The following MGAM variants were observed in gnomAD, a reference collection of about 807,000 sequenced individuals.
The protein encoded by MGAM is maltase-glucoamylase.
In MGAM, 253 loss-of-function variants were observed where a neutral mutation model predicts 358.8. The ratio of observed to expected loss-of-function variants is 0.71; its 90% CI spans 0.64 to 0.78. The LOEUF (loss-of-function observed/expected upper bound fraction) is 0.78. Ranked by LOEUF, MGAM falls within the 30% of genes least tolerant of loss-of-function variation. MGAM has a pLI of 0.00. For synonymous variants in MGAM, 1,105 were observed against 1,227.1 expected, an observed-to-expected ratio of 0.90 and a Z score of 2.08; for missense variants, 3,080 against 3,432.6, an observed-to-expected ratio of 0.90 and a Z score of 2.57.
In MGAM at chr7:142,086,676, G is replaced by A. The variant is rs747848587; in HGVS notation, c.6769G>A (p.Val2257Ile). 20 of 1,118,458 alleles carry A rather than the reference G, an allele frequency of 1.8e-5. 6 individuals are homozygous for A. The South Asian group carries it at 3.0e-4, about 17-fold the overall frequency. The allele number at this position is 1,118,458 out of a possible 1,614,324, so 69.3% of individuals were successfully genotyped here. A position where few individuals can be genotyped will look rare whatever the true frequency, so the allele number is the denominator to read the frequency against. Reference protein sequence around the residue: ...WGKVWPDFPDVVVNGSLDWDS... With the variant: ...WGKVWPDFPDIVVNGSLDWDS... ...ATAGGTCTGGCCTGATTTTCCTGATGTTGTTGTGAATGGGTCTCTAGACTG... is the reference window on the plus strand; with the variant it reads ...ATAGGTCTGGCCTGATTTTCCTGATATTGTTGTGAATGGGTCTCTAGACTG... The change falls in exon 57 of 71, where the codon GTT (valine) becomes ATT (isoleucine). Residue 2257 changes from valine to isoleucine, a missense_variant. Val to Ile is a conservative substitution (Grantham distance 29). This residue lies in a region of MGAM where 932 missense variants were observed against 1,198.2 expected (regional missense o/e 0.78). Coordinates refer to ENST00000475668, the MANE Select transcript of MGAM (RefSeq NM_001365693.1).
chr7:142,074,167 A>G lies in MGAM; in HGVS notation c.5269A>G (p.Thr1757Ala). The stretch of plus-strand genomic sequence containing the variant: ...AGAACTTTTCTGGGATGATGGGCAA[A>G]CAAAGGGTGAGCGCTGTTACAATAA... ...KGELFWDDGQTKDTVAKKVYL... is the reference protein window; with the variant it reads ...KGELFWDDGQAKDTVAKKVYL... The change falls in exon 45 of 71, where the codon ACA (threonine) becomes GCA (alanine). Residue 1757 changes from threonine (T) to alanine (A), a missense_variant. By Grantham distance (58) the Thr-to-Ala change is moderately conservative. Transcript: ENST00000475668. 1 of 1,529,570 alleles carries G rather than the reference A, an allele frequency of 6.5e-7. No individual in the cohort carries two copies. The highest frequency in any genetic ancestry group is 9.0e-7 in the Non-Finnish European group (1 of 1,115,612). 94.7% of individuals were successfully genotyped at this position (1,529,570 alleles called of 1,614,324 possible).
In MGAM at chr7:142,071,113, C is replaced by T. The variant is rs1470098697; in HGVS notation, c.5181C>T (p.His1727=). 1.7e-5 allele frequency: 27 copies of T among 1,553,212 alleles called. 4 individuals are homozygous for T. The highest frequency in any genetic ancestry group is 2.3e-5 in the Non-Finnish European group (26 of 1,130,882). ...GGCAAGAGCCTGCACTGAACACCCA[C>T]TTAAGGTGAATGACAGGACTCAGGT... is the stretch of plus-strand genomic sequence containing the variant. ...LPWQEPALNT[H]LSRKNPLGLI... The change falls in exon 44 of 71, where the codon CAC becomes CAT. Residue 1727 remains histidine (H), a synonymous_variant. Coordinates refer to ENST00000475668, the MANE Select transcript of MGAM (RefSeq NM_001365693.1).
At chr7:142,079,419 A>G (rs1419235992) in intron 49 of MGAM, among the ~76,000 whole-genome samples, 2 of 145,658 alleles carry the variant, frequency 1.4e-5, no homozygotes, top group African/African-American at 4.9e-5. Context: ...ATCAAGAATG[A>G]TGACCGCGTT....
At chr7:142,020,601 A>ATTT (rs199598156) in intron 4 of MGAM, among the ~76,000 whole-genome samples, 7 of 134,324 alleles carry the variant, frequency 5.2e-5, no homozygotes, top group African/African-American at 2.1e-4. Flanking sequence ...ATATATATAT[A>ATTT]TATTTTTTTT....
chr7:142,025,639 G>A (rs949542297), intron 8 of MGAM, among the ~76,000 whole-genome samples: 6 of 152,168 alleles, frequency 3.9e-5, no homozygotes, highest in African/African-American at 1.4e-4. Flanking sequence ...CCCTGAATGG[G>A]TCACAGACTG....
intron 52 of MGAM, 83 bp from the exon 53 acceptor site, chr7:142,083,218 G>T (rs1178889853): frequency 9.1e-7 from 1 of 1,100,084 alleles, no homozygotes; most frequent in Non-Finnish European, 1.3e-6. Context: ...GGAGGGTGCA[G>T]GAAATAGAGA....
chr7:142,020,956 T>G lies in MGAM; in HGVS notation c.449-18T>G. The G allele has an allele frequency of 2.6e-6, 4 of 1,568,460 alleles. No homozygotes were observed. Among genetic ancestry groups the G allele is most frequent in the Non-Finnish European group, 3.5e-6 (4 of 1,141,880 alleles). On this transcript the variant is annotated intron_variant, in intron 4 of 70. Coordinates refer to ENST00000475668, the MANE Select transcript of MGAM (RefSeq NM_001365693.1). ...TTGCAGAGTCAACTATGAAAACCTT[T>G]TTTTTCTCCTATGTTAGGATTCACA...
At position 142,037,141 on chromosome 7, in the gene MGAM, A is replaced by C. The variant is rs189859087; in HGVS notation, c.2231+164A>C. Among the ~76,000 whole-genome samples, 17 of 152,270 alleles carry C rather than the reference A, an allele frequency of 1.1e-4. No homozygotes were observed. The East Asian group carries it at 3.1e-3, about 28-fold the overall frequency. ...TCTATATTCATTAATCTATCTATCT[A>C]TCTATCTAACTGGAATACCTAGTTG... is the stretch of plus-strand genomic sequence containing the variant. On this transcript the variant is annotated intron_variant, in intron 18 of 70. Transcript: ENST00000475668.
intron 6 of MGAM, among the ~76,000 whole-genome samples, chr7:142,022,046 GCTGT>G (rs1806513658): frequency 6.6e-6 from 1 of 152,100 alleles, no homozygotes; most frequent in Non-Finnish European, 1.5e-5. Context: ...CATGTAGTAG[GCTGT>G]CTGGTCTGGG....
chr7:142,070,146 T>A (rs560334391), intron 43 of MGAM, among the ~76,000 whole-genome samples: 2 of 143,776 alleles, frequency 1.4e-5, no homozygotes, highest in African/African-American at 4.9e-5. Context: ...TGAGCTGAGA[T>A]TGTGCCACTG....
intron 2 of MGAM, among the ~76,000 whole-genome samples, chr7:141,988,317 A>G (rs955783896): frequency 6.6e-6 from 1 of 151,850 alleles, no homozygotes; most frequent in African/African-American, 2.4e-5. Context: ...AAAATATTTA[A>G]AAGGTACTCT....
At chr7:142,068,596 C>G (rs1813050743) in intron 42 of MGAM, 51 bp from the exon 43 acceptor site, 2 of 1,351,108 alleles carry the variant, frequency 1.5e-6, no homozygotes, top group African/African-American at 2.8e-5. Flanking sequence ...TTTGGTTACT[C>G]TGTCCTGGAA....
chr7:142,058,402 T>A, intron 31 of MGAM, 74 bp downstream of exon 31: 1 of 1,596,370 alleles, frequency 6.3e-7, no homozygotes, highest in Non-Finnish European at 8.5e-7. Flanking sequence ...ATTTGTCTAA[T>A]GTTTGTTGGA....
intron 42 of MGAM, 88 bp from the exon 43 acceptor site, chr7:142,068,559 C>A: frequency 9.3e-7 from 1 of 1,080,720 alleles, no homozygotes; most frequent in Non-Finnish European, 1.4e-6. Flanking sequence ...AAAGCCATCA[C>A]AATTATTTCA....
intron 47 of MGAM, 143 bp from the exon 48 acceptor site, chr7:142,078,175 T>G: frequency 1.5e-6 from 1 of 679,780 alleles, no homozygotes; most frequent in African/African-American, 1.8e-5. Flanking sequence ...TCTTATAAGC[T>G]AAAGTGATAT....
intron 69 of MGAM, 117 bp downstream of exon 69, chr7:142,102,796 C>T (rs78434032): frequency 2.0e-6 from 2 of 1,012,554 alleles, no homozygotes; most frequent in African/African-American, 1.6e-5. Context: ...TGCTAATTCA[C>T]ATTCTTCTAC....
intron 2 of MGAM, among the ~76,000 whole-genome samples, chr7:141,989,162 C>G (rs1803831175): frequency 1.3e-5 from 2 of 150,212 alleles, no homozygotes; most frequent in East Asian, 3.9e-4. Context: ...GAAAGAGAGT[C>G]TTGTAGTAGT....
At chr7:142,010,293 G>A (rs775327638) in intron 3 of MGAM, among the ~76,000 whole-genome samples, 5 of 152,060 alleles carry the variant, frequency 3.3e-5, no homozygotes, top group Non-Finnish European at 7.4e-5. Context: ...GCTTGAAGCT[G>A]GTTGGAGGGC....
intron 18 of MGAM, 113 bp downstream of exon 18, chr7:142,037,090 C>A: frequency 9.3e-7 from 1 of 1,075,712 alleles, no homozygotes; most frequent in African/African-American, 1.6e-5. Context: ...TCATATCTAT[C>A]TGTATCTATA....
Sources: gnomAD v4.1 joint callset for allele counts (sites outside exome capture counted in the v4.1 genomes callset) on GRCh38, gnomAD v4.1.1 for gene constraint, gnomAD v4.1.1 regional missense constraint, MANE v1.5 for transcripts, NCBI Gene and HGNC (gene_info 2026-07-23, HGNC 2026-07-21) for gene names.